Variants in EPB41L5 observed in about 807,000 individuals in gnomAD.
The protein encoded by EPB41L5 is band 4.1-like protein 5.
In EPB41L5, 55 loss-of-function variants were observed where a neutral mutation model predicts 106.6. The ratio of observed to expected loss-of-function variants is 0.52; its 90% CI spans 0.42 to 0.65. The LOEUF (loss-of-function observed/expected upper bound fraction) is 0.65. Among genes scored for constraint, EPB41L5 ranks in the 30% least tolerant of loss-of-function variants. The pLI is 0.00. For missense variants in EPB41L5, 871 were observed against 882.1 expected (o/e 0.99, Z 0.16); for synonymous variants, 297 against 306.7 (o/e 0.97, Z 0.33).
intron 19 of EPB41L5, among the ~76,000 whole-genome samples, chr2:120,145,162 C>T (rs1686342857): frequency 6.6e-6 from 1 of 152,188 alleles, no homozygotes; most frequent in East Asian, 1.9e-4. Context: ...TGTATAAACA[C>T]TTTAAAAGAG....
intron 7 of EPB41L5, among the ~76,000 whole-genome samples, chr2:120,076,753 A>G (rs1682273204): frequency 3.3e-5 from 5 of 152,118 alleles, no homozygotes; most frequent in Admixed American, 3.3e-4. Flanking sequence ...ATACATTAAG[A>G]GAAAGATATG....
chr2:120,099,399 G>A (rs960601121), intron 14 of EPB41L5, among the ~76,000 whole-genome samples: 1 of 150,260 alleles, frequency 6.7e-6, no homozygotes, highest in Non-Finnish European at 1.5e-5. Flanking sequence ...TTGTGGGAAT[G>A]GCGGGGTGGG....
intron 14 of EPB41L5, among the ~76,000 whole-genome samples, chr2:120,098,791 C>G (rs1374244129): frequency 6.6e-6 from 1 of 152,210 alleles, no homozygotes; most frequent in African/African-American, 2.4e-5. Context: ...TCTCTTCATT[C>G]TTAGGTTCTT....
chr2:120,160,061 G>A (rs1687078463), intron 20 of EPB41L5, among the ~76,000 whole-genome samples: 1 of 152,146 alleles, frequency 6.6e-6, no homozygotes, highest in Non-Finnish European at 1.5e-5. Flanking sequence ...AGTGGAGCCT[G>A]TTAGAAAATA....
intron 23 of EPB41L5, 31 bp from the exon 24 acceptor site, chr2:120,167,846 C>T (rs1276750691): frequency 1.2e-6 from 2 of 1,613,482 alleles, no homozygotes; most frequent in East Asian, 4.5e-5. Flanking sequence ...TATTGTTACC[C>T]TGTATTTAGT....
chr2:120,065,898 A>G (rs1681414018), intron 3 of EPB41L5, among the ~76,000 whole-genome samples: 1 of 152,136 alleles, frequency 6.6e-6, no homozygotes, highest in Non-Finnish European at 1.5e-5. Flanking sequence ...GTCAAAATTT[A>G]TATTTAGCCT....
intron 3 of EPB41L5, among the ~76,000 whole-genome samples, chr2:120,052,186 CT>C (rs1376233871): frequency 1.3e-5 from 2 of 152,138 alleles, no homozygotes; most frequent in Admixed American, 1.3e-4. Context: ...CTGCGGTTTC[CT>C]TAGTCTTGCC....
intron 3 of EPB41L5, among the ~76,000 whole-genome samples, chr2:120,060,654 G>T (rs1339378641): frequency 2.0e-5 from 3 of 152,174 alleles, no homozygotes; most frequent in African/African-American, 4.8e-5. Flanking sequence ...TAATGTGAGA[G>T]AGTTCTTCGT....
chr2:120,019,577 A>G (rs1427756555), intron 2 of EPB41L5, among the ~76,000 whole-genome samples: 1 of 152,210 alleles, frequency 6.6e-6, no homozygotes, highest in Non-Finnish European at 1.5e-5. Context: ...GATGTAGTCT[A>G]GTGGATTTCT....
rs35333671 is a variant in EPB41L5, at chr2:120,076,470, CTTTTTTTTTTTT to C, written c.506-486_506-475del. On this transcript the variant is annotated intron_variant, in intron 7 of 24. Coordinates refer to ENST00000263713, the MANE Select transcript of EPB41L5 (RefSeq NM_020909.4). ...CCATTAGGCCTGGCTAATTTTTGTA[CTTTTTTTTTTTT>C]TTTTTTTTTTTTTTAGAGACGAGGT... is the stretch of plus-strand genomic sequence containing the variant. Among the ~76,000 whole-genome samples, 7 of 58,882 alleles carry C rather than the reference CTTTTTTTTTTTT, an allele frequency of 1.2e-4. No homozygotes were observed. In the East Asian group the frequency reaches 2.5e-3, roughly 21 times the overall value. The allele number at this position is 58,882 out of a possible 152,430, so 38.6% of individuals were successfully genotyped here.
At chr2:120,048,117 A>C (rs1437182056) in intron 3 of EPB41L5, among the ~76,000 whole-genome samples, 1 of 828 alleles carries the variant, frequency 1.2e-3, no homozygotes, top group Non-Finnish European at 3.5e-3. Flanking sequence ...TTGGTCTAAA[A>C]TTCTTTTTTT....
chr2:120,110,946 G>A (rs1684703040), intron 16 of EPB41L5, among the ~76,000 whole-genome samples: 1 of 151,968 alleles, frequency 6.6e-6, no homozygotes, highest in Admixed American at 6.5e-5. Flanking sequence ...CTGGCCCCCT[G>A]TTGTTAACAC....
At chr2:120,063,899 G>A (rs1286428969) in intron 3 of EPB41L5, among the ~76,000 whole-genome samples, 3 of 151,556 alleles carry the variant, frequency 2.0e-5, no homozygotes, top group African/African-American at 4.8e-5. Context: ...GCGAGATCGC[G>A]CCACTGCACT....
In EPB41L5 at chr2:120,019,271, A is replaced by G. The variant is rs1677762257; in HGVS notation, c.180+7A>G. 1 of 1,603,566 alleles carries G rather than the reference A, an allele frequency of 6.2e-7. No homozygotes were observed. Among genetic ancestry groups the G allele is most frequent in the Admixed American group, 1.8e-5 (1 of 56,768 alleles). On this transcript the variant is annotated splice_region_variant and intron_variant, in intron 2 of 24. Transcript: ENST00000263713. ...TGTTAGTGTGGACTTGCCAGTAAGT[A>G]GGTCTTGCTGAGCTCCAAATTCTGT...
chr2:120,049,107 G>A (rs996007656), intron 3 of EPB41L5, among the ~76,000 whole-genome samples: 38 of 152,202 alleles, frequency 2.5e-4, no homozygotes, highest in Admixed American at 2.2e-3. Context: ...TGGAGTAAGT[G>A]TGATGTGGTG....
intron 2 of EPB41L5, among the ~76,000 whole-genome samples, chr2:120,026,429 C>T (rs529848229): frequency 2.0e-5 from 3 of 152,158 alleles, no homozygotes; most frequent in Admixed American, 2.0e-4. Context: ...AGTGCAATGA[C>T]GTGATCTCAG....
intron 18 of EPB41L5, among the ~76,000 whole-genome samples, chr2:120,140,507 G>C (rs4849828): frequency 0.7 from 105,673 of 151,798 alleles, 38,068 homozygotes; most frequent in Non-Finnish European, 0.79. Context: ...TAAAGGACAT[G>C]TGACTACCTT....
At position 120,167,883 on chromosome 2, in the gene EPB41L5, G is replaced by C. The variant is rs541871187; in HGVS notation, c.2011G>C (p.Gly671Arg). 2.5e-6 allele frequency: 4 copies of C among 1,614,112 alleles called. No homozygotes were observed. The East Asian group carries it at 8.9e-5, about 36-fold the overall frequency. ...ITPRWIVPQS[G>R]AMSNGLAGCE... ...GTGTGTGTATCTCCCACAGCAGAGT[G>C]GTGCCATGTCTAATGGACTTGCGGG... is the stretch of plus-strand genomic sequence containing the variant. The change falls in exon 24 of 25, where the codon GGT becomes CGT. Residue 671 changes from glycine to arginine, a missense_variant. Physicochemically the swap from Gly to Arg is moderately radical, Grantham distance 125. Coordinates refer to ENST00000263713, the MANE Select transcript of EPB41L5 (RefSeq NM_020909.4).
rs528849803 is a variant in EPB41L5, at chr2:120,177,524, C to G, written c.*2617C>G. 1 of 152,098 alleles carries G rather than the reference C, an allele frequency of 6.6e-6. No homozygotes were observed. The highest frequency in any genetic ancestry group is 2.4e-5 in the African/African-American group (1 of 41,410). The allele number at this position is 152,098 out of a possible 1,614,324, so 9.4% of individuals were successfully genotyped here. On this transcript the variant is annotated 3_prime_UTR_variant, in exon 25 of 25. Transcript: ENST00000263713. The stretch of plus-strand genomic sequence containing the variant: ...GTTGACAGGATGGTTTAAAATAAGA[C>G]GTGAAGGTTTCAGTTACCTGCTCTA...
Sources: gnomAD v4.1 joint callset for allele counts (sites outside exome capture counted in the v4.1 genomes callset) on GRCh38, gnomAD v4.1.1 for gene constraint, MANE v1.5 for transcripts, NCBI Gene and HGNC (gene_info 2026-07-23, HGNC 2026-07-21) for gene names.